Variants in SCNN1G observed in about 807,000 individuals in gnomAD.
SCNN1G encodes sodium channel epithelial 1 subunit gamma.
Under a neutral mutation model 64.6 loss-of-function variants are expected in SCNN1G, and 27 were observed. The observed-to-expected ratio is 0.42, with a 90% CI of 0.31 to 0.58. The LOEUF (loss-of-function observed/expected upper bound fraction) is 0.58, where lower values mean the gene tolerates loss of function less well. SCNN1G is among the 20% of genes least tolerant of loss of function. The probability of loss-of-function intolerance (pLI) is 0.18; values close to 1 mark genes in which losing one functional copy is unlikely to be tolerated. For missense variants in SCNN1G, 743 were observed against 823.4 expected, an observed-to-expected ratio of 0.90 and a Z score of 1.19; for synonymous variants, 330 against 314.2, an observed-to-expected ratio of 1.05 and a Z score of -0.53.
Position 23,194,256 on chromosome 16 carries a change from A to G in SCNN1G, c.895A>G (p.Met299Val), listed in dbSNP as rs770587439. The G allele has an allele frequency of 3.1e-6, 5 of 1,610,234 alleles. No individual in the cohort carries two copies. The South Asian group carries it at 4.4e-5, about 14-fold the overall frequency. ...AAATGAGACCATTCTCAGCACCTCC[A>G]TGGGGGGCAGCGAATATGGTAAGGA... ...RENETILSTS[M>V]GGSEYGLQVI... Residue 299 changes from methionine (M) to valine (V), a missense_variant, in exon 5 of 13, where the codon ATG becomes GTG. Coordinates refer to ENST00000300061, the MANE Select transcript of SCNN1G (RefSeq NM_001039.4).
Position 23,182,761 on chromosome 16 carries a change from CGA to C in SCNN1G, c.-95_-94del, listed in dbSNP as rs1252861612. Reference sequence around the variant, plus strand: ...CTGCCAGGGGATGCTAGCCCGAGAGCGAGCAGAGGAGCAGCGCACCCGCACGA... The same window carrying C: ...CTGCCAGGGGATGCTAGCCCGAGAGCGCAGAGGAGCAGCGCACCCGCACGA... On this transcript the variant is annotated 5_prime_UTR_variant, in exon 1 of 13. Transcript: ENST00000300061. 1 of 152,480 alleles carries C rather than the reference CGA, an allele frequency of 6.6e-6. No homozygotes were observed. Among genetic ancestry groups the C allele is most frequent in the Non-Finnish European group, 1.5e-5 (1 of 68,250 alleles). The allele number at this position is 152,480 out of a possible 1,614,324, so 9.4% of individuals were successfully genotyped here.
rs1026708039 is a variant in SCNN1G, at chr16:23,215,670, C to T, written c.*201C>T. The stretch of plus-strand genomic sequence containing the variant: ...AGCCATCGGGTACTACGCAGCAACA[C>T]TCACAACTGTCCAGGCTGAGATAAA... On this transcript the variant is annotated 3_prime_UTR_variant, in exon 13 of 13. Coordinates refer to ENST00000300061, the MANE Select transcript of SCNN1G (RefSeq NM_001039.4). 3.2e-6 allele frequency: 2 copies of T among 628,086 alleles called. No homozygotes were observed. The highest frequency in any genetic ancestry group is 5.6e-6 in the Non-Finnish European group (2 of 355,492). The allele number at this position is 628,086 out of a possible 1,614,324, so 38.9% of individuals were successfully genotyped here. A position where few individuals can be genotyped will look rare whatever the true frequency, so the allele number is the denominator to read the frequency against.
At chr16:23,187,077 C>T (rs994554555) in intron 2 of SCNN1G, among the ~76,000 whole-genome samples, 7 of 150,800 alleles carry the variant, frequency 4.6e-5, no homozygotes, top group African/African-American at 1.7e-4. Context: ...GCTTGGATTA[C>T]AGGTGTGAGC....
chr16:23,187,709 T>G (rs754458160), intron 2 of SCNN1G, among the ~76,000 whole-genome samples: 13 of 152,112 alleles, frequency 8.5e-5, no homozygotes, highest in Non-Finnish European at 1.6e-4. Context: ...TTAATTGAGC[T>G]CATCGGGCCC....
intron 1 of SCNN1G, among the ~76,000 whole-genome samples, chr16:23,184,849 C>A (rs181983842): frequency 5.0e-4 from 76 of 152,236 alleles, no homozygotes; most frequent in Admixed American, 5.0e-3. Flanking sequence ...TGGGGACCAC[C>A]CTGTATGCCC....
chr16:23,208,742 C>T (rs537157953), intron 6 of SCNN1G, among the ~76,000 whole-genome samples: 2 of 150,024 alleles, frequency 1.3e-5, no homozygotes, highest in South Asian at 4.3e-4. Context: ...CCCTCTCTCT[C>T]TCTCTTTGTT....
Position 23,192,475 on chromosome 16 carries a change from A to C in SCNN1G, c.742A>C (p.Asn248His). 1 of 1,613,546 alleles carries C rather than the reference A, an allele frequency of 6.2e-7. No homozygotes were observed. Among genetic ancestry groups the C allele is most frequent in the Admixed American group, 1.7e-5 (1 of 60,024 alleles). The change falls in exon 4 of 13, where the codon AAC becomes CAC. Residue 248 changes from asparagine to histidine, a missense_variant. Physicochemically the swap from Asn to His is moderately conservative, Grantham distance 68 (BLOSUM62 1). Coordinates refer to ENST00000300061, the MANE Select transcript of SCNN1G (RefSeq NM_001039.4). ...ACAGGTGCCTCTGGAGAAGAAAATCAACATGAGCTATTCTGCTGAGGAGCT... is the reference window on the plus strand; with the variant it reads ...ACAGGTGCCTCTGGAGAAGAAAATCCACATGAGCTATTCTGCTGAGGAGCT... ...MAQVPLEKKI[N>H]MSYSAEELLV...
At chr16:23,210,149 T>C (rs761361843) in intron 7 of SCNN1G, among the ~76,000 whole-genome samples, 1 of 152,194 alleles carries the variant, frequency 6.6e-6, no homozygotes, top group Non-Finnish European at 1.5e-5. Flanking sequence ...GGAGAGACAC[T>C]GGCTGAAGGG....
chr16:23,192,303 G>A, intron 3 of SCNN1G, 49 bp from the exon 4 acceptor site: 1 of 1,417,782 alleles, frequency 7.1e-7, no homozygotes, highest in Non-Finnish European at 1.0e-6. Flanking sequence ...CTTCTGAAGA[G>A]TAGCGATAGG....
intron 6 of SCNN1G, among the ~76,000 whole-genome samples, chr16:23,206,558 T>C (rs1959994394): frequency 6.6e-6 from 1 of 152,150 alleles, no homozygotes; most frequent in Admixed American, 6.5e-5. Context: ...AAGGCTGCCA[T>C]GAGCCATGAT....
intron 7 of SCNN1G, among the ~76,000 whole-genome samples, chr16:23,210,179 G>A (rs1377724424): frequency 1.3e-5 from 2 of 152,184 alleles, no homozygotes; most frequent in Non-Finnish European, 2.9e-5. Flanking sequence ...TGGCTTCCGG[G>A]CCTGCTGGTG....
chr16:23,183,993 T>A (rs1959564116), intron 1 of SCNN1G, among the ~76,000 whole-genome samples: 1 of 152,156 alleles, frequency 6.6e-6, no homozygotes, highest in Admixed American at 6.6e-5. Flanking sequence ...TCGTGAAAAT[T>A]AAATGAGGTG....
chr16:23,204,334 T>TATATAGAG (rs1567267153), intron 6 of SCNN1G, among the ~76,000 whole-genome samples: 2 of 15,170 alleles, frequency 1.3e-4, no homozygotes, highest in African/African-American at 2.8e-4. Context: ...TATATATATA[T>TATATAGAG]AGAGAGAGAG....
intron 11 of SCNN1G, 73 bp from the exon 12 acceptor site, chr16:23,214,639 G>T: frequency 1.0e-5 from 12 of 1,205,334 alleles, no homozygotes; most frequent in Non-Finnish European, 1.5e-5. Flanking sequence ...GGGTAGGAGG[G>T]AGACAGCCAT....
intron 6 of SCNN1G, among the ~76,000 whole-genome samples, chr16:23,203,881 T>C (rs1244156220): frequency 6.8e-6 from 1 of 147,340 alleles, no homozygotes; most frequent in Admixed American, 6.9e-5. Flanking sequence ...ATCTGTAAAA[T>C]AGGGATGATA....
chr16:23,194,430 G>A (rs968194181), intron 5 of SCNN1G, among the ~76,000 whole-genome samples, 156 bp downstream of exon 5: 2 of 152,206 alleles, frequency 1.3e-5, no homozygotes, highest in African/African-American at 2.4e-5. Context: ...GTTTCCATCA[G>A]TGTTCATGCT....
chr16:23,207,314 A>G (rs1654115471), intron 6 of SCNN1G, among the ~76,000 whole-genome samples: 1 of 152,202 alleles, frequency 6.6e-6, no homozygotes, highest in Non-Finnish European at 1.5e-5. Flanking sequence ...TAGAGCCTGT[A>G]GCTGACACTC....
chr16:23,189,339 C>T (rs768572266), intron 2 of SCNN1G, 32 bp from the exon 3 acceptor site: 1 of 1,609,752 alleles, frequency 6.2e-7, no homozygotes, highest in South Asian at 1.1e-5. Context: ...GCCGCCTCCC[C>T]TCTCCCTGAC....
intron 6 of SCNN1G, among the ~76,000 whole-genome samples, chr16:23,203,769 CAAAAAAAAAAAAAAA>C (rs71151702): frequency 4.7e-5 from 2 of 42,268 alleles, no homozygotes; most frequent in Non-Finnish European, 7.3e-5. Flanking sequence ...GACTCCGTCT[CAAAAAAAAAAAAAAA>C]AAAAAAAAAA....
Sources: allele counts gnomAD v4.1 joint callset (sites outside exome capture counted in the v4.1 genomes callset), GRCh38; gene constraint gnomAD v4.1.1; transcripts MANE v1.5; gene names NCBI Gene and HGNC (gene_info 2026-07-23, HGNC 2026-07-21).